Variants in ZNF391 observed in about 807,000 individuals in gnomAD.
The protein encoded by ZNF391 is zinc finger protein 391.
For missense variants in ZNF391, 375 were observed against 425.5 expected (o/e 0.88, Z 1.04); for synonymous variants, 126 against 142.1 (o/e 0.89, Z 0.80).
In ZNF391 at chr6:27,402,476, TG is replaced by T. The variant is rs1390870659; in HGVS notation, c.*1030del. ...CTTTTCCTACCTCTCAGCATTTCTT[TG>T]ATTGTCAATGATCAGCTCTGTGATT... On this transcript the variant is annotated 3_prime_UTR_variant, in exon 3 of 3. Transcript: ENST00000244576. 1 of 152,196 alleles carries T rather than the reference TG, an allele frequency of 6.6e-6. No homozygotes were observed. The allele number at this position is 152,196 out of a possible 1,614,324, so 9.4% of individuals were successfully genotyped here.
chr6:27,400,207 A>G, intron 2 of ZNF391, 86 bp from the exon 3 acceptor site: 1 of 575,142 alleles, frequency 1.7e-6, no homozygotes, highest in Non-Finnish European at 2.9e-6. Context: ...GCATGAATTC[A>G]AATTAGTTGT....
rs371037204 is a variant in ZNF391, at chr6:27,400,618, C to T, written c.248C>T (p.Ser83Phe). 1 of 1,614,174 alleles carries T rather than the reference C, an allele frequency of 6.2e-7. No individual in the cohort carries two copies. Residue 83 changes from serine (S) to phenylalanine (F), a missense_variant, in exon 3 of 3, where the codon TCC becomes TTC. Ser to Phe is a radical substitution (Grantham distance 155). Coordinates refer to ENST00000244576, the MANE Select transcript of ZNF391 (RefSeq NM_001076781.3). ...CAGAAAATTCCAAAGGGACATGGAT[C>T]CCCAATATCTAGGAAAAACTCCAAA... ...AQQKIPKGHGSPISRKNSKDN... is the reference protein window; with the variant it reads ...AQQKIPKGHGFPISRKNSKDN...
In ZNF391 at chr6:27,401,507, A is replaced by AAG; in HGVS notation, c.*61_*62insGA. 1 of 1,255,464 alleles carries AAG rather than the reference A, an allele frequency of 8.0e-7. No individual in the cohort carries two copies. The highest frequency in any genetic ancestry group is 2.3e-5 in the East Asian group (1 of 42,944). The allele number at this position is 1,255,464 out of a possible 1,614,324, so 77.8% of individuals were successfully genotyped here. On this transcript the variant is annotated 3_prime_UTR_variant, in exon 3 of 3. Transcript: ENST00000244576. ...CATATACCTAACCTCCCACCACTGA[A>AAG]ATATATATATTTCAAGTATATATAT...
intron 1 of ZNF391, among the ~76,000 whole-genome samples, chr6:27,398,791 G>A (rs966554510): frequency 3.3e-5 from 5 of 152,046 alleles, no homozygotes; most frequent in African/African-American, 4.8e-5. Flanking sequence ...CCCGGGAGGC[G>A]GAGCTTGCAG....
chr6:27,388,563 G>GT (rs1411254523), upstream of ZNF391, among the ~76,000 whole-genome samples: 3 of 152,222 alleles, frequency 2.0e-5, no homozygotes, highest in Non-Finnish European at 4.4e-5. Flanking sequence ...ACTTTGCAGT[G>GT]TATTAAGGTG....
At chr6:27,383,962 T>G (rs182646840), upstream of ZNF391, among the ~76,000 whole-genome samples, 1 of 152,232 alleles carries the variant, frequency 6.6e-6, no homozygotes, top group Admixed American at 6.5e-5. Context: ...AGTGAAATAT[T>G]TAAATGTTTA....
rs757931444 is a variant in ZNF391, at chr6:27,403,285, C to G, written c.*1838C>G. 2.0e-5 allele frequency: 3 copies of G among 152,078 alleles called. No homozygotes were observed. The highest frequency in any genetic ancestry group is 4.4e-5 in the Non-Finnish European group (3 of 68,008). The allele number at this position is 152,078 out of a possible 1,614,324, so 9.4% of individuals were successfully genotyped here. ...TACATGCGGGCAGGCCTGTTTTGTC[C>G]CTACTATACCCTCTTCTCACACTTT... On this transcript the variant is annotated 3_prime_UTR_variant, in exon 3 of 3. Transcript: ENST00000244576.
At chr6:27,397,157 G>C (rs1466446428) in intron 1 of ZNF391, among the ~76,000 whole-genome samples, 1 of 152,202 alleles carries the variant, frequency 6.6e-6, no homozygotes, top group African/African-American at 2.4e-5. Flanking sequence ...TCTGCAGGCT[G>C]TGCAAGCATT....
intron 1 of ZNF391, among the ~76,000 whole-genome samples, chr6:27,389,811 C>T (rs1761664428): frequency 1.1e-5 from 1 of 92,964 alleles, no homozygotes; most frequent in Non-Finnish European, 2.5e-5. Context: ...CGCCCCTCCC[C>T]CCCAAAAAAG....
upstream of ZNF391, among the ~76,000 whole-genome samples, chr6:27,386,548 A>G (rs929075265): frequency 2.6e-5 from 4 of 152,192 alleles, no homozygotes; most frequent in Non-Finnish European, 4.4e-5. Context: ...TGCTGGAATA[A>G]GAATAGGAAT....
At chr6:27,381,244 G>A (rs1045619466) in intron 1 of ZNF391, among the ~76,000 whole-genome samples, 12 of 152,250 alleles carry the variant, frequency 7.9e-5, no homozygotes, top group Non-Finnish European at 1.2e-4. Flanking sequence ...GCGAGAAATC[G>A]AGCGCAGCGC....
rs1485845311 is a variant in ZNF391, at chr6:27,376,507, G to A, written n.523+1370G>A. Among the ~76,000 whole-genome samples, 4 of 151,360 alleles carry A rather than the reference G, an allele frequency of 2.6e-5. No individual in the cohort carries two copies. Among genetic ancestry groups the A allele is most frequent in the African/African-American group, 9.8e-5 (4 of 40,756 alleles). The stretch of plus-strand genomic sequence containing the variant: ...ACTGTGGTATTTTTTGGATTGGGAC[G>A]TATGTGTGTATGTGCTCTCTAACTC... On this transcript the variant is annotated intron_variant and non_coding_transcript_variant, in intron 1 of 2. Coordinates refer to the ZNF391 transcript ENST00000477999. The surrounding 1 kb of genome is among the most constrained non-coding windows in gnomAD (Gnocchi z 4.7).
rs1761968852 is a variant in ZNF391, at chr6:27,401,488, C to T, written c.*41C>T. 8.4e-6 allele frequency: 12 copies of T among 1,427,630 alleles called. 1 individual carries two copies. The South Asian group carries it at 1.3e-4, about 15-fold the overall frequency. The allele number at this position is 1,427,630 out of a possible 1,614,324, so 88.4% of individuals were successfully genotyped here. On this transcript the variant is annotated 3_prime_UTR_variant, in exon 3 of 3. Coordinates refer to ENST00000244576, the MANE Select transcript of ZNF391 (RefSeq NM_001076781.3). Reference sequence around the variant, plus strand: ...TAATGTTAGCATAAGAACACATATACCTAACCTCCCACCACTGAAATATAT... The same window carrying T: ...TAATGTTAGCATAAGAACACATATATCTAACCTCCCACCACTGAAATATAT...
In ZNF391 at chr6:27,400,943, A is replaced by G; in HGVS notation, c.573A>G (p.Lys191=). ...SLHQRIHTGE[K]PYECSECGKA... ...ATCAGAGAATCCATACTGGAGAAAAACCATATGAATGTAGTGAATGTGGAA... is the reference window on the plus strand; with the variant it reads ...ATCAGAGAATCCATACTGGAGAAAAGCCATATGAATGTAGTGAATGTGGAA... The change falls in exon 3 of 3, where the codon AAA becomes AAG. Residue 191 remains lysine (K), a synonymous_variant. Transcript: ENST00000244576. The G allele has an allele frequency of 6.2e-7, 1 of 1,614,138 alleles. No individual in the cohort carries two copies. Among genetic ancestry groups the G allele is most frequent in the Non-Finnish European group, 8.5e-7 (1 of 1,180,002 alleles).
intron 1 of ZNF391, chr6:27,395,095 T>G (rs10080814): frequency 0.71 from 106,906 of 151,344 alleles, 37,951 homozygotes; most frequent in Middle Eastern, 0.81. Context: ...GCCAGAATGA[T>G]GTAAGACTTT....
chr6:27,380,443 G>A (rs1473576021), intron 1 of ZNF391, among the ~76,000 whole-genome samples: 1 of 152,210 alleles, frequency 6.6e-6, no homozygotes, highest in Non-Finnish European at 1.5e-5. Context: ...GGCTTCAAGA[G>A]TGAAGCTGCA....
intron 1 of ZNF391, among the ~76,000 whole-genome samples, chr6:27,391,563 C>T (rs1413020066): frequency 6.6e-6 from 1 of 152,026 alleles, no homozygotes; most frequent in African/African-American, 2.4e-5. Context: ...TGACCTTTGC[C>T]CATTTCTGCC....
chr6:27,402,605 TTTG>T lies in ZNF391; in HGVS notation c.*1164_*1166del, dbSNP rs1331158891. The T allele has an allele frequency of 6.6e-6, 1 of 152,238 alleles. No homozygotes were observed. Among genetic ancestry groups the T allele is most frequent in the African/African-American group, 2.4e-5 (1 of 41,524 alleles). 9.4% of individuals were successfully genotyped at this position (152,238 alleles called of 1,614,324 possible). ...TCTTGAAGACAGAAATCTTGGTTTG[TTTG>T]TTGTTTTATTTTTGAGAGAAGGTCT... On this transcript the variant is annotated 3_prime_UTR_variant, in exon 3 of 3. Coordinates refer to ENST00000244576, the MANE Select transcript of ZNF391 (RefSeq NM_001076781.3).
At position 27,400,239 on chromosome 6, in the gene ZNF391, T is replaced by G. The variant is rs572731520; in HGVS notation, c.-78-54T>G. 36 of 715,194 alleles carry G rather than the reference T, an allele frequency of 5.0e-5. No individual in the cohort carries two copies. The South Asian group carries it at 1.0e-3, about 20-fold the overall frequency. 44.3% of individuals were successfully genotyped at this position (715,194 alleles called of 1,614,324 possible). A position where few individuals can be genotyped will look rare whatever the true frequency, so the allele number is the denominator to read the frequency against. On this transcript the variant is annotated intron_variant, in intron 2 of 2. Coordinates refer to ENST00000244576, the MANE Select transcript of ZNF391 (RefSeq NM_001076781.3). ...TTGTCTTTTCTCTGCTGGTTTATTT[T>G]CTTTGCTCTCCATAGTAGATACAGA...
Sources: gnomAD v4.1 joint callset for allele counts (sites outside exome capture counted in the v4.1 genomes callset) on GRCh38, gnomAD v4.1.1 for gene constraint, Gnocchi (gnomAD v3.1) non-coding constraint, MANE v1.5 for transcripts, NCBI Gene and HGNC (gene_info 2026-07-23, HGNC 2026-07-21) for gene names.